The following ZFPM2 variants were observed in gnomAD, a reference collection of about 807,000 sequenced individuals.
ZFPM2 encodes the protein zinc finger protein ZFPM2.
ZFPM2 carries 20 observed loss-of-function variants against 98.6 expected under a neutral mutation model. That is an observed-to-expected ratio of 0.20 (90% CI 0.14 to 0.29). ZFPM2 has a LOEUF of 0.29. ZFPM2 is among the 10% of genes least tolerant of loss of function. ZFPM2 has a pLI of 1.00. For synonymous variants in ZFPM2, 518 were observed against 502.7 expected (o/e 1.03, Z -0.41); for missense variants, 1,310 against 1,388.6 (o/e 0.94, Z 0.90).
chr8:105,678,272 G>A (rs2130915983), intron 5 of ZFPM2, among the ~76,000 whole-genome samples: 1 of 152,218 alleles, frequency 6.6e-6, no homozygotes, highest in East Asian at 1.9e-4. Flanking sequence ...CATGACCATG[G>A]AATCTATCTA....
At chr8:105,470,148 T>C (rs1812874850) in intron 3 of ZFPM2, among the ~76,000 whole-genome samples, 1 of 152,212 alleles carries the variant, frequency 6.6e-6, no homozygotes, top group South Asian at 2.1e-4. Context: ...CTACTCTTCC[T>C]TTCTCTGCCT....
At chr8:105,537,753 A>G (rs1218507983) in intron 3 of ZFPM2, among the ~76,000 whole-genome samples, 1 of 151,618 alleles carries the variant, frequency 6.6e-6, no homozygotes, top group South Asian at 2.1e-4. Context: ...TTTTTTTGAG[A>G]TGGAATCTTG....
chr8:105,519,613 A>G lies in ZFPM2; in HGVS notation c.302-41750A>G, dbSNP rs1814008421. On this transcript the variant is annotated intron_variant, in intron 3 of 7. Coordinates refer to ENST00000407775, the MANE Select transcript of ZFPM2 (RefSeq NM_012082.4). ...TCACAGACTGGAGATAATGCAGTTA[A>G]TCGTTTGGGGAACACATTGATATTA... Among the ~76,000 whole-genome samples the G allele has an allele frequency of 3.3e-5, 5 of 152,224 alleles. No homozygotes were observed. In the South Asian group the frequency reaches 6.2e-4, roughly 19 times the overall value.
At chr8:105,667,153 A>C (rs1048564782) in intron 5 of ZFPM2, among the ~76,000 whole-genome samples, 14 of 152,318 alleles carry the variant, frequency 9.2e-5, no homozygotes, top group African/African-American at 3.4e-4. Context: ...GCTTCAAGGA[A>C]AACAATTGTC....
At chr8:105,535,531 G>A (rs1438773418) in intron 3 of ZFPM2, among the ~76,000 whole-genome samples, 1 of 152,160 alleles carries the variant, frequency 6.6e-6, no homozygotes, top group Admixed American at 6.6e-5. Context: ...GAAACCAACT[G>A]ACCTCTGTGT....
chr8:105,330,595 C>CATATATATATACAT (rs1812204680), intron 1 of ZFPM2, among the ~76,000 whole-genome samples: 1 of 88,232 alleles, frequency 1.1e-5, no homozygotes, highest in Non-Finnish European at 2.2e-5. Context: ...TATATATATA[C>CATATATATATACAT]ATATATATAT....
At chr8:105,673,293 G>A (rs17219454) in intron 5 of ZFPM2, among the ~76,000 whole-genome samples, 12,674 of 124,116 alleles carry the variant, frequency 0.1, 606 homozygotes, top group African/African-American at 0.16. Context: ...TGCACATTTT[G>A]TAACAGCACC....
intron 4 of ZFPM2, among the ~76,000 whole-genome samples, chr8:105,618,772 A>G (rs188413814): frequency 3.9e-5 from 6 of 152,140 alleles, no homozygotes; most frequent in Non-Finnish European, 5.9e-5. Flanking sequence ...CTATACAGCT[A>G]TGTAGTGATG....
intron 1 of ZFPM2, among the ~76,000 whole-genome samples, chr8:105,339,660 T>G (rs1468065597): frequency 1.3e-5 from 2 of 151,898 alleles, no homozygotes; most frequent in African/African-American, 4.8e-5. Flanking sequence ...AAAATCATGC[T>G]AGTAGTTAGA....
intron 5 of ZFPM2, among the ~76,000 whole-genome samples, chr8:105,749,088 A>C (rs1057076354): frequency 6.6e-6 from 1 of 152,080 alleles, no homozygotes; most frequent in Non-Finnish European, 1.5e-5. Flanking sequence ...TCCAGTATAA[A>C]TTACTTTCCA....
intron 3 of ZFPM2, among the ~76,000 whole-genome samples, chr8:105,507,760 A>G (rs1359908152): frequency 6.6e-6 from 1 of 152,126 alleles, no homozygotes; most frequent in Non-Finnish European, 1.5e-5. Context: ...TCTTGGGGAA[A>G]AGTTGTGCTT....
In ZFPM2 at chr8:105,566,175, G is replaced by T. The variant is rs371044145; in HGVS notation, c.420+4694G>T. Among the ~76,000 whole-genome samples, 102 of 152,222 alleles carry T rather than the reference G, an allele frequency of 6.7e-4. 1 individual carries two copies. The highest frequency in any genetic ancestry group is 2.3e-3 in the African/African-American group (97 of 41,546). Reference sequence around the variant, plus strand: ...TGTTAATTTCATTCAGAAACGCCCTGTGAGTTGGCAATTAAAATGAACCAT... The same window carrying T: ...TGTTAATTTCATTCAGAAACGCCCTTTGAGTTGGCAATTAAAATGAACCAT... On this transcript the variant is annotated intron_variant, in intron 4 of 7. Transcript: ENST00000407775.
chr8:105,803,759 T>C lies in ZFPM2; in HGVS notation c.*221T>C, dbSNP rs1814121242. ...TAATTTATTTTACCAGCAGTATTCA[T>C]AGCTGTGGTTATGTTATTTTTTATT... On this transcript the variant is annotated 3_prime_UTR_variant, in exon 8 of 8. Coordinates refer to ENST00000407775, the MANE Select transcript of ZFPM2 (RefSeq NM_012082.4). 1.9e-6 allele frequency: 1 copy of C among 516,444 alleles called. No homozygotes were observed. The highest frequency in any genetic ancestry group is 3.2e-5 in the East Asian group (1 of 30,804). The allele number at this position is 516,444 out of a possible 1,614,324, so 32.0% of individuals were successfully genotyped here. A position where few individuals can be genotyped will look rare whatever the true frequency, so the allele number is the denominator to read the frequency against.
chr8:105,763,285 A>G (rs1015339550), intron 5 of ZFPM2, among the ~76,000 whole-genome samples: 4 of 151,808 alleles, frequency 2.6e-5, no homozygotes, highest in African/African-American at 9.7e-5. Flanking sequence ...GCAGCGGACA[A>G]TAGAGGTCTG....
chr8:105,642,795 A>T (rs1163252627), intron 5 of ZFPM2, among the ~76,000 whole-genome samples: 1 of 152,204 alleles, frequency 6.6e-6, no homozygotes, highest in Non-Finnish European at 1.5e-5. Context: ...CATACAGTCA[A>T]CAAATGTTCA....
chr8:105,634,446 A>G (rs1816810660), intron 5 of ZFPM2, 89 bp downstream of exon 5: 2 of 1,041,952 alleles, frequency 1.9e-6, no homozygotes, highest in South Asian at 2.8e-5. Context: ...ATGGAAGTAC[A>G]AAGTATAAAT....
intron 4 of ZFPM2, among the ~76,000 whole-genome samples, chr8:105,565,618 GTAA>G (rs1230924768): frequency 6.6e-6 from 1 of 152,110 alleles, no homozygotes; most frequent in Non-Finnish European, 1.5e-5. Context: ...CTGTGATGTG[GTAA>G]TAATAATACT....
chr8:105,439,851 C>T (rs1287288486), intron 2 of ZFPM2, among the ~76,000 whole-genome samples: 1 of 152,112 alleles, frequency 6.6e-6, no homozygotes, highest in Non-Finnish European at 1.5e-5. Context: ...TGAATTAGCT[C>T]CCAGAGTGAT....
intron 5 of ZFPM2, among the ~76,000 whole-genome samples, chr8:105,637,348 C>T (rs1165750011): frequency 5.9e-5 from 9 of 152,014 alleles, no homozygotes. Context: ...TGTGGCATTT[C>T]CCAAAATGTA....
Sources: allele counts gnomAD v4.1 joint callset (sites outside exome capture counted in the v4.1 genomes callset), GRCh38; gene constraint gnomAD v4.1.1; transcripts MANE v1.5; gene names NCBI Gene and HGNC (gene_info 2026-07-23, HGNC 2026-07-21).